CCDC6: variants seen among roughly 807,000 people sequenced by gnomAD.
CCDC6 encodes the protein coiled-coil domain containing 6, also known as coiled-coil domain-containing protein 6.
In CCDC6, 20 loss-of-function variants were observed where a neutral mutation model predicts 56.6. The observed-to-expected ratio is 0.35, with a 90% CI of 0.25 to 0.51. The LOEUF (loss-of-function observed/expected upper bound fraction) is 0.51, where lower values mean the gene tolerates loss of function less well. Among genes scored for constraint, CCDC6 ranks in the 20% least tolerant of loss-of-function variants. CCDC6 has a pLI of 0.95. For synonymous variants in CCDC6, 241 were observed against 234.4 expected (o/e 1.03, Z -0.26); for missense variants, 367 against 601.1 (o/e 0.61, Z 4.07).
At chr10:59,873,720 T>C (rs1212240611) in intron 1 of CCDC6, among the ~76,000 whole-genome samples, 3 of 152,180 alleles carry the variant, frequency 2.0e-5, no homozygotes, top group African/African-American at 2.4e-5. Context: ...TATGCCACTT[T>C]ATTCTGAATA....
intron 1 of CCDC6, among the ~76,000 whole-genome samples, chr10:59,864,958 G>A (rs2071164553): frequency 6.6e-6 from 1 of 152,196 alleles, no homozygotes; most frequent in African/African-American, 2.4e-5. Flanking sequence ...CTGTGTTTGT[G>A]ATTCACATCA....
intron 3 of CCDC6, among the ~76,000 whole-genome samples, chr10:59,818,430 A>G (rs765353607): frequency 7.8e-5 from 11 of 141,714 alleles, no homozygotes; most frequent in Non-Finnish European, 1.5e-4. Context: ...GCCCCAGCTC[A>G]GCCGTGTGGA....
intron 3 of CCDC6, among the ~76,000 whole-genome samples, chr10:59,830,449 C>T (rs1483105484): frequency 6.6e-6 from 1 of 152,082 alleles, no homozygotes; most frequent in African/African-American, 2.4e-5. Flanking sequence ...TCAAAGAAAA[C>T]ACATTTAATT....
At chr10:59,855,309 C>G (rs927188388) in intron 1 of CCDC6, among the ~76,000 whole-genome samples, 1 of 152,116 alleles carries the variant, frequency 6.6e-6, no homozygotes, top group African/African-American at 2.4e-5. Context: ...GGCTCATGCC[C>G]GTAATCCCAC....
intron 1 of CCDC6, among the ~76,000 whole-genome samples, chr10:59,866,361 TACTACAGTA>T (rs2071176999): frequency 1.3e-5 from 2 of 152,222 alleles, no homozygotes. Context: ...CATTTTTATC[TACTACAGTA>T]ACAGAAGAAA....
At chr10:59,826,054 GTGT>G (rs2070785624) in intron 3 of CCDC6, among the ~76,000 whole-genome samples, 1 of 152,164 alleles carries the variant, frequency 6.6e-6, no homozygotes, top group Non-Finnish European at 1.5e-5. Context: ...AAGTCATCCA[GTGT>G]CATCTAGTGG....
chr10:59,853,465 CAG>C (rs201259613), intron 1 of CCDC6, among the ~76,000 whole-genome samples: 2,818 of 152,136 alleles, frequency 0.019, 43 homozygotes, highest in Non-Finnish European at 0.027. Context: ...ACCCGGAAGA[CAG>C]AGGTTGCAGT....
chr10:59,899,321 C>T (rs143018487), intron 1 of CCDC6, among the ~76,000 whole-genome samples: 1 of 152,172 alleles, frequency 6.6e-6, no homozygotes, highest in East Asian at 1.9e-4. Context: ...CACCTACCCA[C>T]TAAGGAAAAA....
chr10:59,861,298 G>T (rs2078931108), intron 1 of CCDC6, among the ~76,000 whole-genome samples: 1 of 152,132 alleles, frequency 6.6e-6, no homozygotes, highest in Non-Finnish European at 1.5e-5. Context: ...GGTTGAGGCT[G>T]CAGAGAGCCT....
At chr10:59,879,570 C>A (rs1278621688) in intron 1 of CCDC6, among the ~76,000 whole-genome samples, 1 of 123,188 alleles carries the variant, frequency 8.1e-6, no homozygotes, top group Non-Finnish European at 1.7e-5. Flanking sequence ...ACTGTGAAAC[C>A]CACAAAATAC....
chr10:59,904,627 G>A (rs1405008147), intron 1 of CCDC6, among the ~76,000 whole-genome samples: 1 of 152,218 alleles, frequency 6.6e-6, no homozygotes, highest in African/African-American at 2.4e-5. Context: ...GGAAGTGGCT[G>A]CCTCTGCAAA....
In CCDC6 at chr10:59,844,596, A is replaced by G. The variant is rs575139923; in HGVS notation, c.453+7957T>C. On this transcript the variant is annotated intron_variant, in intron 2 of 8. Coordinates refer to ENST00000263102, the MANE Select transcript of CCDC6 (RefSeq NM_005436.5). ...AAAACCCTGTCTCTACTTAAAAAAA[A>G]AAAAAAATACAAAAATTAGCTGGGC... 3.0e-3 allele frequency among the ~76,000 whole-genome samples: 448 copies of G among 151,716 alleles called. 3 individuals are homozygous for G. Among genetic ancestry groups the G allele is most frequent in the African/African-American group, 0.01 (431 of 41,312 alleles).
intron 1 of CCDC6, among the ~76,000 whole-genome samples, chr10:59,869,404 A>AAC (rs2071206882): frequency 1.1e-5 from 1 of 95,056 alleles, no homozygotes; most frequent in Admixed American, 1.3e-4. Flanking sequence ...AAAAAAAAAA[A>AAC]AAAAAAAAAA....
chr10:59,891,100 A>T (rs768408710), intron 1 of CCDC6, among the ~76,000 whole-genome samples: 1 of 152,240 alleles, frequency 6.6e-6, no homozygotes, highest in African/African-American at 2.4e-5. Context: ...CAGATCAACA[A>T]CAAATAATTT....
Position 59,906,436 on chromosome 10 carries a change from G to C in CCDC6, c.-12C>G. 6.6e-7 allele frequency: 1 copy of C among 1,504,886 alleles called. No homozygotes were observed. Among genetic ancestry groups the C allele is most frequent in the Admixed American group, 2.2e-5 (1 of 44,788 alleles). The allele number at this position is 1,504,886 out of a possible 1,614,324, so 93.2% of individuals were successfully genotyped here. A position where few individuals can be genotyped will look rare whatever the true frequency, so the allele number is the denominator to read the frequency against. On this transcript the variant is annotated 5_prime_UTR_variant, in exon 1 of 9. Transcript: ENST00000263102. Reference sequence around the variant, plus strand: ...GCGCTGTCCGCCATGGCCGCGGCGGGCTGGGGAAAGGAGGAGGAGCAGCAG... The same window carrying C: ...GCGCTGTCCGCCATGGCCGCGGCGGCCTGGGGAAAGGAGGAGGAGCAGCAG...
chr10:59,885,148 AC>A (rs1307571475), intron 1 of CCDC6, among the ~76,000 whole-genome samples: 1 of 152,134 alleles, frequency 6.6e-6, no homozygotes, highest in African/African-American at 2.4e-5. Context: ...GACAGAGAAT[AC>A]GTGTGAATCA....
chr10:59,809,680 C>T (rs995438537), intron 5 of CCDC6, among the ~76,000 whole-genome samples: 3 of 152,186 alleles, frequency 2.0e-5, no homozygotes, highest in African/African-American at 4.8e-5. Context: ...AGCCATCTCC[C>T]AATATAGTAG....
At chr10:59,885,019 G>A (rs1310376615) in intron 1 of CCDC6, among the ~76,000 whole-genome samples, 3 of 151,458 alleles carry the variant, frequency 2.0e-5, no homozygotes, top group Non-Finnish European at 2.9e-5. Context: ...AGTTGAGATC[G>A]TGCCACCGCA....
intron 3 of CCDC6, among the ~76,000 whole-genome samples, chr10:59,827,842 A>G (rs570458651): frequency 1.3e-5 from 2 of 152,314 alleles, no homozygotes; most frequent in South Asian, 2.1e-4. Context: ...CTGTTACACC[A>G]TGTAAGTGTT....
Sources: allele counts gnomAD v4.1 joint callset (sites outside exome capture counted in the v4.1 genomes callset), GRCh38; gene constraint gnomAD v4.1.1; transcripts MANE v1.5; gene names NCBI Gene and HGNC (gene_info 2026-07-23, HGNC 2026-07-21).